The following TEX36 variants were observed in gnomAD, a reference collection of about 807,000 sequenced individuals.
TEX36 encodes testis-expressed protein 36.
TEX36 carries 12 observed loss-of-function variants against 13.6 expected under a neutral mutation model. The ratio of observed to expected loss-of-function variants is 0.88; its 90% CI spans 0.56 to 1.43. The LOEUF (loss-of-function observed/expected upper bound fraction) is 1.43. Among genes scored for constraint, TEX36 ranks in the 40% most tolerant of loss-of-function variants. TEX36 has a pLI of 0.00. For missense variants in TEX36, 224 were observed against 228.3 expected (o/e 0.98, Z 0.12); for synonymous variants, 93 against 83.0 (o/e 1.12, Z -0.65).
chr10:125,612,634 G>C (rs1006826385), intron 3 of TEX36, among the ~76,000 whole-genome samples: 2 of 152,112 alleles, frequency 1.3e-5, no homozygotes, highest in African/African-American at 4.8e-5. Flanking sequence ...TTGGGCAACT[G>C]TCCTCTTCTT....
intron 3 of TEX36, among the ~76,000 whole-genome samples, chr10:125,602,561 G>A (rs939704705): frequency 1.3e-5 from 2 of 152,142 alleles, no homozygotes; most frequent in Non-Finnish European, 2.9e-5. Flanking sequence ...CCCGGCAGCT[G>A]TATTACTCTG....
chr10:125,664,573 G>C (rs1460459161), intron 1 of TEX36, among the ~76,000 whole-genome samples: 1 of 152,132 alleles, frequency 6.6e-6, no homozygotes, highest in Admixed American at 6.5e-5. Context: ...ATGATAGTGA[G>C]TGAGTTCTCA....
chr10:125,662,048 CTTTGTACAG>C (rs1847054192), intron 1 of TEX36, 71 bp from the exon 2 acceptor site: 1 of 1,525,818 alleles, frequency 6.6e-7, no homozygotes, highest in African/African-American at 1.4e-5. Context: ...TCAGGGCTTC[CTTTGTACAG>C]TGATTAAAAT....
At chr10:125,576,795 A>G in exon 4 of TEX36, 1 of 1,535,892 alleles carries the variant, frequency 6.5e-7, no homozygotes, top group South Asian at 1.2e-5. Context: ...TGGATGAGGA[A>G]TGGACTGGGT....
At chr10:125,596,288 A>G (rs963173176) in intron 3 of TEX36, among the ~76,000 whole-genome samples, 2 of 152,202 alleles carry the variant, frequency 1.3e-5, no homozygotes, top group Non-Finnish European at 2.9e-5. Context: ...AAAGATCCTT[A>G]TAAGAGGAGA....
At chr10:125,622,305 C>T (rs1846436903) in intron 3 of TEX36, among the ~76,000 whole-genome samples, 1 of 152,156 alleles carries the variant, frequency 6.6e-6, no homozygotes, top group Non-Finnish European at 1.5e-5. Flanking sequence ...TTTTATGTTA[C>T]ATGATAAAGG....
At chr10:125,602,365 A>C (rs1846160141) in intron 3 of TEX36, among the ~76,000 whole-genome samples, 1 of 152,128 alleles carries the variant, frequency 6.6e-6, no homozygotes, top group Non-Finnish European at 1.5e-5. Flanking sequence ...CTATTAAAAA[A>C]ATTCTCAGCT....
At chr10:125,616,230 A>G (rs575517976) in intron 3 of TEX36, among the ~76,000 whole-genome samples, 64 of 152,066 alleles carry the variant, frequency 4.2e-4, no homozygotes, top group African/African-American at 1.4e-3. Context: ...CTTTCAAAAA[A>G]CCAGCTCCTG....
At chr10:125,621,479 T>C (rs1846429039), downstream of TEX36, 3 of 393,940 alleles carry the variant, frequency 7.6e-6, no homozygotes, top group African/African-American at 2.1e-5. Context: ...GTGTGGTGTG[T>C]ATCTTCCCAG....
chr10:125,676,188 G>A (rs1477636384), intron 1 of TEX36, among the ~76,000 whole-genome samples: 4 of 152,186 alleles, frequency 2.6e-5, no homozygotes, highest in Non-Finnish European at 4.4e-5. Flanking sequence ...TGTCTAGATT[G>A]TCTGTCTAAT....
At chr10:125,610,968 C>T (rs543702988) in intron 3 of TEX36, among the ~76,000 whole-genome samples, 37 of 152,268 alleles carry the variant, frequency 2.4e-4, no homozygotes, top group African/African-American at 8.4e-4. Flanking sequence ...TGCTATCTTA[C>T]GTTTCCGTGG....
intron 3 of TEX36, among the ~76,000 whole-genome samples, chr10:125,634,544 C>T (rs1180254095): frequency 6.6e-6 from 1 of 152,154 alleles, no homozygotes; most frequent in Non-Finnish European, 1.5e-5. Flanking sequence ...AAATAAATAA[C>T]AAAAGGGAAT....
intron 3 of TEX36, among the ~76,000 whole-genome samples, chr10:125,589,578 G>C (rs2133531099): frequency 6.6e-6 from 1 of 152,174 alleles, no homozygotes; most frequent in Admixed American, 6.5e-5. Flanking sequence ...ATCAGTATTG[G>C]ATATTGAGTT....
intron 3 of TEX36, among the ~76,000 whole-genome samples, chr10:125,583,086 G>T (rs534756695): frequency 1.3e-5 from 2 of 152,320 alleles, no homozygotes; most frequent in South Asian, 4.1e-4. Flanking sequence ...GATTTTAATT[G>T]CAGAATTGTG....
intron 3 of TEX36, among the ~76,000 whole-genome samples, chr10:125,648,067 C>T (rs572328441): frequency 1.2e-3 from 186 of 152,354 alleles, no homozygotes; most frequent in Non-Finnish European, 2.3e-3. Flanking sequence ...GTAGACTTCA[C>T]CTCTGGGGGC....
chr10:125,599,674 A>G (rs1411338334), intron 3 of TEX36, among the ~76,000 whole-genome samples: 1 of 152,178 alleles, frequency 6.6e-6, no homozygotes, highest in Non-Finnish European at 1.5e-5. Context: ...ACTGCCTCAA[A>G]CAACTGGCAA....
intron 1 of TEX36, among the ~76,000 whole-genome samples, chr10:125,674,855 C>T (rs1395417993): frequency 6.6e-6 from 1 of 152,264 alleles, no homozygotes; most frequent in Non-Finnish European, 1.5e-5. Context: ...CAGGAACACT[C>T]CTGTGTAACT....
At chr10:125,654,701 A>C (rs2133588612), downstream of TEX36, among the ~76,000 whole-genome samples, 1 of 152,366 alleles carries the variant, frequency 6.6e-6, no homozygotes, top group South Asian at 2.1e-4. Flanking sequence ...TTCACTAATA[A>C]ATAGAGAAAT....
chr10:125,616,857 G>A (rs1312138362), downstream of TEX36, among the ~76,000 whole-genome samples: 8 of 147,508 alleles, frequency 5.4e-5, no homozygotes, highest in East Asian at 6.1e-4. Flanking sequence ...TTTCTGTCTC[G>A]TTGATCTGTC....
Sources: allele counts gnomAD v4.1 joint callset (sites outside exome capture counted in the v4.1 genomes callset), GRCh38; gene constraint gnomAD v4.1.1; transcripts MANE v1.5; gene names NCBI Gene and HGNC (gene_info 2026-07-23, HGNC 2026-07-21).